Variants in OTUD3 observed in about 807,000 individuals in gnomAD.
OTUD3 encodes OTU domain-containing protein 3.
A neutral mutation model predicts 46.2 loss-of-function variants in OTUD3; 24 were observed. That is an observed-to-expected ratio of 0.52 (90% CI 0.38 to 0.73). The LOEUF (loss-of-function observed/expected upper bound fraction) is 0.73. Among genes scored for constraint, OTUD3 ranks in the 30% least tolerant of loss-of-function variants. OTUD3 has a pLI of 0.00. For missense variants in OTUD3, 455 were observed against 523.3 expected, an observed-to-expected ratio of 0.87 and a Z score of 1.27; for synonymous variants, 189 against 195.4, an observed-to-expected ratio of 0.97 and a Z score of 0.27.
intron 4 of OTUD3, among the ~76,000 whole-genome samples, chr1:19,902,466 A>G (rs757225979): frequency 2.0e-5 from 3 of 152,144 alleles, no homozygotes; most frequent in African/African-American, 7.2e-5. Flanking sequence ...CGGCCTCCCA[A>G]AGTGCTGGGA....
In OTUD3 at chr1:19,912,773, T is replaced by C. The variant is rs1419060700; in HGVS notation, c.*5027T>C. ...GATTGTGTTCATCTGAACCATTTTA[T>C]TTTTTATTTACCAAAGTACTGTACT... On this transcript the variant is annotated 3_prime_UTR_variant, in exon 8 of 8. Transcript: ENST00000375120. 6.6e-6 allele frequency: 1 copy of C among 152,394 alleles called. No homozygotes were observed. Among genetic ancestry groups the C allele is most frequent in the Non-Finnish European group, 1.5e-5 (1 of 68,040 alleles). The allele number at this position is 152,394 out of a possible 1,614,324, so 9.4% of individuals were successfully genotyped here.
chr1:19,904,621 G>A (rs1557681476), intron 5 of OTUD3, among the ~76,000 whole-genome samples: 1 of 152,194 alleles, frequency 6.6e-6, no homozygotes, highest in South Asian at 2.1e-4. Flanking sequence ...GTCTTAGGAA[G>A]TATGTGGATT....
intron 1 of OTUD3, among the ~76,000 whole-genome samples, chr1:19,888,362 T>C (rs369251574): frequency 2.6e-5 from 4 of 152,310 alleles, no homozygotes; most frequent in African/African-American, 9.6e-5. Context: ...ATGAGTTTCT[T>C]GAGTGCTCTT....
Position 19,906,629 on chromosome 1 carries a change from G to T in OTUD3, c.1020+13G>T. ...CCAGCTCGCAAAGGTATGTAAGATGGGGTTGAATGGGCAGGTGGTGGGCAG... is the reference window on the plus strand; with the variant it reads ...CCAGCTCGCAAAGGTATGTAAGATGTGGTTGAATGGGCAGGTGGTGGGCAG... On this transcript the variant is annotated intron_variant, in intron 7 of 7. Coordinates refer to ENST00000375120, the MANE Select transcript of OTUD3 (RefSeq NM_015207.2). 6.3e-7 allele frequency: 1 copy of T among 1,591,838 alleles called. No homozygotes were observed. Among genetic ancestry groups the T allele is most frequent in the African/African-American group, 1.3e-5 (1 of 74,462 alleles).
At chr1:19,885,056 C>T (rs951894236) in intron 1 of OTUD3, among the ~76,000 whole-genome samples, 1 of 152,104 alleles carries the variant, frequency 6.6e-6, no homozygotes, top group Non-Finnish European at 1.5e-5. Flanking sequence ...ACCAAGAGAA[C>T]GGTCCCATCT....
chr1:19,906,667 G>T, intron 7 of OTUD3, 51 bp downstream of exon 7: 1 of 1,424,454 alleles, frequency 7.0e-7, no homozygotes. Context: ...GTAATTCTGT[G>T]GCAGTGGTGG....
chr1:19,909,982 C>T lies in OTUD3; in HGVS notation c.*2236C>T, dbSNP rs1044247879. On this transcript the variant is annotated 3_prime_UTR_variant, in exon 8 of 8. Coordinates refer to ENST00000375120, the MANE Select transcript of OTUD3 (RefSeq NM_015207.2). ...GTTTAGTGTGTTAATTATTAGGAAT[C>T]GGGTACATGCATCCAACTTCAGTGA... 2.0e-5 allele frequency: 3 copies of T among 152,288 alleles called. No individual in the cohort carries two copies. Among genetic ancestry groups the T allele is most frequent in the East Asian group, 1.9e-4 (1 of 5,336 alleles). The allele number at this position is 152,288 out of a possible 1,614,324, so 9.4% of individuals were successfully genotyped here.
At chr1:19,887,764 T>G (rs1003668205) in intron 1 of OTUD3, among the ~76,000 whole-genome samples, 1 of 152,216 alleles carries the variant, frequency 6.6e-6, no homozygotes, top group African/African-American at 2.4e-5. Flanking sequence ...CATATTGTAT[T>G]AAAGCCACAT....
chr1:19,900,916 G>GTTTTTTTTTTTTTTTT (rs990933093), intron 4 of OTUD3, among the ~76,000 whole-genome samples: 1 of 115,722 alleles, frequency 8.6e-6, no homozygotes, highest in African/African-American at 3.3e-5. Flanking sequence ...TTTTTTTTTT[G>GTTTTTTTTTTTTTTTT]TTTTTTTTTT....
At chr1:19,899,233 A>G (rs1260161721) in intron 4 of OTUD3, among the ~76,000 whole-genome samples, 3 of 152,200 alleles carry the variant, frequency 2.0e-5, no homozygotes, top group Admixed American at 2.0e-4. Context: ...CCTGGATGCA[A>G]TCAGTGGTAT....
chr1:19,882,690 G>C lies in OTUD3; in HGVS notation c.177G>C (p.Gln59His). 3 of 1,453,766 alleles carry C rather than the reference G, an allele frequency of 2.1e-6. No homozygotes were observed. The highest frequency in any genetic ancestry group is 2.7e-6 in the Non-Finnish European group (3 of 1,104,488). The allele number at this position is 1,453,766 out of a possible 1,614,324, so 90.1% of individuals were successfully genotyped here. A position where few individuals can be genotyped will look rare whatever the true frequency, so the allele number is the denominator to read the frequency against. Residue 59 changes from glutamine to histidine, a missense_variant, in exon 1 of 8, where the codon CAG becomes CAC. Coordinates refer to ENST00000375120, the MANE Select transcript of OTUD3 (RefSeq NM_015207.2). ...CEEEFVSFAN[Q>H]LQALGLKLRE... ...AGGAGTTCGTCAGCTTCGCCAACCA[G>C]CTGCAGGCCCTGGGGCTGAAGCTGC...
intron 1 of OTUD3, 120 bp from the exon 2 acceptor site, chr1:19,890,260 AGAGTT>A (rs2045428367): frequency 1.1e-6 from 1 of 879,774 alleles, no homozygotes; most frequent in South Asian, 1.6e-5. Context: ...CTGGACTATT[AGAGTT>A]GAGTCTTTAC....
At chr1:19,888,860 A>G (rs1309705528) in intron 1 of OTUD3, among the ~76,000 whole-genome samples, 2 of 152,316 alleles carry the variant, frequency 1.3e-5, no homozygotes, top group Non-Finnish European at 2.9e-5. Flanking sequence ...TGTACAGATG[A>G]ACTTGGTTGA....
chr1:19,885,675 C>T (rs2045348669), intron 1 of OTUD3, among the ~76,000 whole-genome samples: 1 of 152,158 alleles, frequency 6.6e-6, no homozygotes, highest in African/African-American at 2.4e-5. Context: ...AGGCTGGTCT[C>T]GAACTCCTGA....
At chr1:19,898,033 C>T (rs897953469) in intron 4 of OTUD3, among the ~76,000 whole-genome samples, 5 of 151,608 alleles carry the variant, frequency 3.3e-5, no homozygotes, top group Non-Finnish European at 5.9e-5. Context: ...CACCCAACCT[C>T]CGCCTCCCGG....
intron 2 of OTUD3, among the ~76,000 whole-genome samples, chr1:19,890,889 A>T (rs1278831867): frequency 6.6e-6 from 1 of 152,154 alleles, no homozygotes; most frequent in Admixed American, 6.6e-5. Context: ...AGATACTAAC[A>T]TTTTGTTTGT....
chr1:19,905,609 C>T (rs562720710), intron 6 of OTUD3, among the ~76,000 whole-genome samples: 8 of 151,938 alleles, frequency 5.3e-5, no homozygotes, highest in Admixed American at 2.0e-4. Context: ...GGTGTGGTGG[C>T]GGGTGCCTGT....
At chr1:19,889,823 T>C (rs2045422931) in intron 1 of OTUD3, among the ~76,000 whole-genome samples, 1 of 152,226 alleles carries the variant, frequency 6.6e-6, no homozygotes, top group African/African-American at 2.4e-5. Flanking sequence ...CCAAGTGCTT[T>C]CCTTCTCATG....
At position 19,908,661 on chromosome 1, in the gene OTUD3, G is replaced by A. The variant is rs1421411766; in HGVS notation, c.*915G>A. On this transcript the variant is annotated 3_prime_UTR_variant, in exon 8 of 8. Coordinates refer to ENST00000375120, the MANE Select transcript of OTUD3 (RefSeq NM_015207.2). ...TATAGGAGAAGCCTGGAAGAATAAG[G>A]TTTTTCATGTTCGCATTTTAAATAA... 3 of 152,330 alleles carry A rather than the reference G, an allele frequency of 2.0e-5. No individual in the cohort carries two copies. Among genetic ancestry groups the A allele is most frequent in the Non-Finnish European group, 4.4e-5 (3 of 68,036 alleles). The allele number at this position is 152,330 out of a possible 1,614,324, so 9.4% of individuals were successfully genotyped here.
Sources: allele counts gnomAD v4.1 joint callset (sites outside exome capture counted in the v4.1 genomes callset), GRCh38; gene constraint gnomAD v4.1.1; transcripts MANE v1.5; gene names NCBI Gene and HGNC (gene_info 2026-07-23, HGNC 2026-07-21).